The following AGBL1 variants were observed in gnomAD, a reference collection of about 807,000 sequenced individuals.
AGBL1 encodes AGBL carboxypeptidase 1.
In AGBL1, 130 loss-of-function variants were observed where a neutral mutation model predicts 118.9. The observed-to-expected ratio is 1.09, with a 90% CI of 0.95 to 1.26. The LOEUF is 1.26. AGBL1 is among the 50% of genes most tolerant of loss of function. The pLI is 0.00. For synonymous variants in AGBL1, 555 were observed against 478.9 expected, an observed-to-expected ratio of 1.16 and a Z score of -2.08; for missense variants, 1,584 against 1,298.1, an observed-to-expected ratio of 1.22 and a Z score of -3.38.
At chr15:86,478,779 A>G (rs1285061755) in intron 18 of AGBL1, among the ~76,000 whole-genome samples, 1 of 152,202 alleles carries the variant, frequency 6.6e-6, no homozygotes, top group African/African-American at 2.4e-5. Context: ...TGCCAAGACA[A>G]TCCTAAGCCA....
chr15:86,790,807 C>G (rs1596483609), intron 22 of AGBL1, among the ~76,000 whole-genome samples: 1 of 151,994 alleles, frequency 6.6e-6, no homozygotes, highest in South Asian at 2.1e-4. Context: ...AAATGTATAA[C>G]AGTTCTATGT....
chr15:86,872,476 G>T (rs766063881), intron 22 of AGBL1, among the ~76,000 whole-genome samples: 1 of 152,120 alleles, frequency 6.6e-6, no homozygotes, highest in Non-Finnish European at 1.5e-5. Context: ...ACAAGAGGCC[G>T]TGGGTGCAGT....
At chr15:86,854,796 T>A (rs1270041861) in intron 22 of AGBL1, among the ~76,000 whole-genome samples, 1 of 152,216 alleles carries the variant, frequency 6.6e-6, no homozygotes, top group Admixed American at 6.5e-5. Context: ...ATCTCCTGTA[T>A]AGAAATTCTC....
chr15:86,895,774 T>C (rs1276352007), intron 22 of AGBL1, among the ~76,000 whole-genome samples: 1 of 152,024 alleles, frequency 6.6e-6, no homozygotes, highest in Non-Finnish European at 1.5e-5. Flanking sequence ...TTATGGAAAA[T>C]TTATTGTTGA....
At chr15:86,484,435 A>G (rs2082689613) in intron 18 of AGBL1, among the ~76,000 whole-genome samples, 1 of 152,154 alleles carries the variant, frequency 6.6e-6, no homozygotes. Context: ...AACATAAAGA[A>G]AAAACAGATA....
intron 3 of AGBL1, among the ~76,000 whole-genome samples, chr15:86,147,471 C>A (rs921721372): frequency 3.3e-5 from 5 of 152,222 alleles, no homozygotes; most frequent in African/African-American, 9.6e-5. Flanking sequence ...CTGTGCCTGG[C>A]TTGGCAGGTC....
At chr15:86,316,291 A>G (rs917379666) in intron 17 of AGBL1, among the ~76,000 whole-genome samples, 1 of 152,192 alleles carries the variant, frequency 6.6e-6, no homozygotes, top group East Asian at 1.9e-4. Context: ...GCTCTTCCAG[A>G]GGCCCCAAAT....
chr15:86,085,354 A>C (rs1280025865), intron 1 of AGBL1, among the ~76,000 whole-genome samples: 1 of 152,140 alleles, frequency 6.6e-6, no homozygotes, highest in Non-Finnish European at 1.5e-5. Flanking sequence ...ATGACAGTTC[A>C]TGAAGGGGAA....
chr15:86,327,400 G>GGATGCTGAAGGTTACAACATCTCTTGA (rs1471553810), intron 17 of AGBL1, among the ~76,000 whole-genome samples: 1 of 152,170 alleles, frequency 6.6e-6, no homozygotes, highest in Non-Finnish European at 1.5e-5. Context: ...CCTTTACTTA[G>GGATGCTGAAGGTTACAACATCTCTTGA]GATGCTGAAG....
At chr15:86,579,111 C>T (rs1296159599) in intron 21 of AGBL1, among the ~76,000 whole-genome samples, 2 of 152,152 alleles carry the variant, frequency 1.3e-5, no homozygotes, top group African/African-American at 4.8e-5. Flanking sequence ...GTCCTAAATG[C>T]TTGACAAGTA....
intron 21 of AGBL1, among the ~76,000 whole-genome samples, chr15:86,560,859 G>A (rs1473767275): frequency 6.6e-6 from 1 of 152,184 alleles, no homozygotes; most frequent in Non-Finnish European, 1.5e-5. Flanking sequence ...GTATGTCATT[G>A]TGGTTTTGAT....
intron 16 of AGBL1, among the ~76,000 whole-genome samples, 177 bp from the exon 17 acceptor site, chr15:86,295,078 T>C (rs891493888): frequency 6.6e-6 from 1 of 152,210 alleles, no homozygotes. Context: ...TCAGTCTCAC[T>C]GAGTTTCTCC....
rs113506405 is a variant in AGBL1, at chr15:86,632,166, G to A, written c.2995-42107G>A. On this transcript the variant is annotated intron_variant, in intron 21 of 22. Coordinates refer to ENST00000614907, the MANE Select transcript of AGBL1 (RefSeq NM_001386094.1). ...ATTTGTAGTCCCAGCTACTTGGAAG[G>A]CTGAGGGAGGAGGATCACTTGAGCC... Among the ~76,000 whole-genome samples, 56 of 151,794 alleles carry A rather than the reference G, an allele frequency of 3.7e-4. 2 individuals carry two copies. Among genetic ancestry groups the A allele is most frequent in the African/African-American group, 1.3e-3 (54 of 41,366 alleles).
At chr15:86,401,317 A>G (rs1234082161) in intron 18 of AGBL1, among the ~76,000 whole-genome samples, 1 of 150,534 alleles carries the variant, frequency 6.6e-6, no homozygotes, top group Non-Finnish European at 1.5e-5. Flanking sequence ...TTTTCTTGCT[A>G]ATTTGTTTGA....
chr15:86,197,007 A>G (rs2077823982), intron 5 of AGBL1, among the ~76,000 whole-genome samples: 2 of 152,144 alleles, frequency 1.3e-5, no homozygotes, highest in Admixed American at 6.5e-5. Context: ...CAACCCTGCC[A>G]GACCTTCTAG....
At chr15:86,876,871 C>T (rs2079817421) in intron 22 of AGBL1, among the ~76,000 whole-genome samples, 1 of 152,152 alleles carries the variant, frequency 6.6e-6, no homozygotes, top group Non-Finnish European at 1.5e-5. Flanking sequence ...ATAATGATAC[C>T]TATCTCTAGG....
At chr15:86,897,647 TC>T (rs199892696) in intron 22 of AGBL1, among the ~76,000 whole-genome samples, 2,697 of 152,082 alleles carry the variant, frequency 0.018, 21 homozygotes, top group Non-Finnish European at 0.028. Flanking sequence ...TCACTGATTT[TC>T]CCCCCAGTGG....
intron 18 of AGBL1, among the ~76,000 whole-genome samples, chr15:86,418,399 AC>A (rs2081732191): frequency 6.6e-6 from 1 of 152,170 alleles, no homozygotes; most frequent in Non-Finnish European, 1.5e-5. Flanking sequence ...TTATCTAATA[AC>A]CTGTCAAAGT....
intron 1 of AGBL1, among the ~76,000 whole-genome samples, chr15:86,140,688 G>A (rs939265484): frequency 3.9e-5 from 6 of 152,142 alleles, no homozygotes; most frequent in East Asian, 3.9e-4. Flanking sequence ...ATGGGATCTC[G>A]TGGAGCTGGA....
Sources: allele counts gnomAD v4.1 joint callset (sites outside exome capture counted in the v4.1 genomes callset), GRCh38; gene constraint gnomAD v4.1.1; transcripts MANE v1.5; gene names NCBI Gene and HGNC (gene_info 2026-07-23, HGNC 2026-07-21).